SPIRE1: variants seen among roughly 807,000 people sequenced by gnomAD.
SPIRE1 encodes spire type actin nucleation factor 1.
A neutral mutation model predicts 94.1 loss-of-function variants in SPIRE1; 40 were observed. That is an observed-to-expected ratio of 0.43 (90% confidence interval 0.33 to 0.55). The LOEUF (loss-of-function observed/expected upper bound fraction) is 0.55, where lower values mean the gene tolerates loss of function less well. Ranked by LOEUF, SPIRE1 falls within the 20% of genes least tolerant of loss-of-function variation. SPIRE1 has a pLI of 0.06. For missense variants in SPIRE1, 838 were observed against 975.2 expected, an observed-to-expected ratio of 0.86 and a Z score of 1.87; for synonymous variants, 376 against 371.7, an observed-to-expected ratio of 1.01 and a Z score of -0.13.
intron 2 of SPIRE1, among the ~76,000 whole-genome samples, chr18:12,613,406 G>A (rs562727946): frequency 1.3e-5 from 2 of 152,226 alleles, no homozygotes; most frequent in East Asian, 3.9e-4. Flanking sequence ...GACAATTCAA[G>A]ACCAAAACTT....
chr18:12,467,603 G>A (rs935771700), intron 10 of SPIRE1, among the ~76,000 whole-genome samples: 3 of 152,220 alleles, frequency 2.0e-5, no homozygotes, highest in African/African-American at 7.2e-5. Context: ...GATTAAAACA[G>A]CAGAAACCAT....
At chr18:12,544,256 G>C (rs561792670) in intron 3 of SPIRE1, among the ~76,000 whole-genome samples, 1 of 150,622 alleles carries the variant, frequency 6.6e-6, no homozygotes, top group African/African-American at 2.4e-5. Flanking sequence ...CTGGAGTGCA[G>C]TGGTGTGCTC....
chr18:12,525,296 A>AAAAAAAATAAT (rs1555619713), intron 4 of SPIRE1, among the ~76,000 whole-genome samples: 1 of 120,174 alleles, frequency 8.3e-6, no homozygotes, highest in African/African-American at 3.3e-5. Flanking sequence ...AAAAAAAAAA[A>AAAAAAAATAAT]AATAATAATA....
At chr18:12,540,758 C>T (rs2034991356) in intron 3 of SPIRE1, among the ~76,000 whole-genome samples, 1 of 152,216 alleles carries the variant, frequency 6.6e-6, no homozygotes, top group South Asian at 2.1e-4. Flanking sequence ...TCCTCCTTAT[C>T]CACAGTTTCA....
In SPIRE1 at chr18:12,635,035, T is replaced by C. The variant is rs1393970744; in HGVS notation, c.372+27A>G. 4.4e-6 allele frequency: 6 copies of C among 1,374,734 alleles called. No individual in the cohort carries two copies. The South Asian group carries it at 5.0e-5, about 12-fold the overall frequency. 85.2% of individuals were successfully genotyped at this position (1,374,734 alleles called of 1,614,324 possible). Reference sequence around the variant, plus strand: ...AAACAGGACTGCAAAGCTGCTTTACTAAGAAATATTTGAGTATTTCACTTA... The same window carrying C: ...AAACAGGACTGCAAAGCTGCTTTACCAAGAAATATTTGAGTATTTCACTTA... On this transcript the variant is annotated intron_variant, in intron 2 of 16. Coordinates refer to ENST00000409402, the MANE Select transcript of SPIRE1 (RefSeq NM_001128626.2).
At chr18:12,483,142 A>G (rs368779240) in intron 9 of SPIRE1, among the ~76,000 whole-genome samples, 1 of 151,922 alleles carries the variant, frequency 6.6e-6, no homozygotes, top group African/African-American at 2.4e-5. Flanking sequence ...TGCGTAGGAG[A>G]CAGGGTTTTG....
chr18:12,489,222 C>T (rs919097168), intron 8 of SPIRE1, among the ~76,000 whole-genome samples: 3 of 152,146 alleles, frequency 2.0e-5, no homozygotes, highest in South Asian at 2.1e-4. Flanking sequence ...GAACTTATCT[C>T]GGAAAAGTTT....
intron 10 of SPIRE1, among the ~76,000 whole-genome samples, chr18:12,477,647 G>A (rs1207744069): frequency 6.6e-6 from 1 of 152,102 alleles, no homozygotes; most frequent in African/African-American, 2.4e-5. Flanking sequence ...TGAAACAGAG[G>A]GATGAGTGGG....
intron 1 of SPIRE1, among the ~76,000 whole-genome samples, chr18:12,636,656 A>G (rs867441381): frequency 4.6e-5 from 7 of 152,274 alleles, no homozygotes; most frequent in Admixed American, 2.0e-4. Context: ...TAAAAATTAT[A>G]TATGAGCAAT....
At chr18:12,534,922 T>TATAA (rs1490373725) in intron 4 of SPIRE1, among the ~76,000 whole-genome samples, 2 of 152,216 alleles carry the variant, frequency 1.3e-5, no homozygotes, top group African/African-American at 4.8e-5. Flanking sequence ...CCCTGACTAA[T>TATAA]ATATACCCAT....
At chr18:12,651,097 G>A (rs1166088516) in intron 1 of SPIRE1, among the ~76,000 whole-genome samples, 2 of 151,986 alleles carry the variant, frequency 1.3e-5, no homozygotes, top group Non-Finnish European at 2.9e-5. Context: ...AGAACTATTT[G>A]CCCTTACATC....
chr18:12,464,758 A>G, intron 11 of SPIRE1, 110 bp downstream of exon 11: 2 of 790,474 alleles, frequency 2.5e-6, no homozygotes, highest in Non-Finnish European at 2.1e-6. Flanking sequence ...TGCCTGAGTT[A>G]GTTCTTTCTA....
intron 7 of SPIRE1, among the ~76,000 whole-genome samples, chr18:12,495,043 C>T (rs1404895061): frequency 8.4e-6 from 1 of 119,292 alleles, no homozygotes; most frequent in African/African-American, 3.5e-5. Flanking sequence ...AAGTGAGACT[C>T]TGTCTCAAAA....
intron 2 of SPIRE1, among the ~76,000 whole-genome samples, chr18:12,598,018 ATT>A (rs1304715678): frequency 6.6e-6 from 1 of 152,146 alleles, no homozygotes; most frequent in Non-Finnish European, 1.5e-5. Context: ...CATACTTTGG[ATT>A]TTTATACAAG....
Position 12,453,063 on chromosome 18 carries a change from C to T in SPIRE1, c.1847+5G>A. ...TATCTTTTCATCAATTACAAAATAC[C>T]TTACCTCTTACAGAACTGACAGGTA... On this transcript the variant is annotated splice_donor_5th_base_variant and intron_variant, in intron 14 of 16. Transcript: ENST00000409402. The T allele has an allele frequency of 6.4e-7, 1 of 1,558,782 alleles. No individual in the cohort carries two copies. Among genetic ancestry groups the T allele is most frequent in the African/African-American group, 1.4e-5 (1 of 72,364 alleles).
At chr18:12,514,500 C>T (rs913871725) in intron 4 of SPIRE1, among the ~76,000 whole-genome samples, 2 of 151,932 alleles carry the variant, frequency 1.3e-5, no homozygotes, top group African/African-American at 4.8e-5. Flanking sequence ...CACAAATCTC[C>T]AGAATAGCCT....
intron 2 of SPIRE1, among the ~76,000 whole-genome samples, chr18:12,593,975 G>A (rs1382578393): frequency 6.6e-6 from 1 of 151,470 alleles, no homozygotes; most frequent in Non-Finnish European, 1.5e-5. Context: ...ATAAGAAGAA[G>A]AAAGCATGCA....
intron 10 of SPIRE1, among the ~76,000 whole-genome samples, chr18:12,469,212 T>C (rs897972181): frequency 6.6e-6 from 1 of 152,100 alleles, no homozygotes; most frequent in African/African-American, 2.4e-5. Context: ...TATTTATTAT[T>C]ATTATTTTGA....
In SPIRE1 at chr18:12,493,101, G is replaced by A. The variant is rs2033300727; in HGVS notation, c.1160C>T (p.Ser387Leu). 6.2e-7 allele frequency: 1 copy of A among 1,613,520 alleles called. No homozygotes were observed. Among genetic ancestry groups the A allele is most frequent in the Non-Finnish European group, 8.5e-7 (1 of 1,179,926 alleles). ...IKAERKLRPV[S>L]PEEIRRSRLA... ...TCTGCTACGTCTAATCTCCTCTGGTGATACAGGCCGCAGCTTTCTTTCTGC... is the reference window on the plus strand; with the variant it reads ...TCTGCTACGTCTAATCTCCTCTGGTAATACAGGCCGCAGCTTTCTTTCTGC... The change falls in exon 8 of 17, where the codon TCA (serine) becomes TTA (leucine). Residue 387 changes from serine to leucine, a missense_variant. Physicochemically the swap from Ser to Leu is moderately radical, Grantham distance 145 (BLOSUM62 -2). Coordinates refer to ENST00000409402, the MANE Select transcript of SPIRE1 (RefSeq NM_001128626.2).
Sources: gnomAD v4.1 joint callset for allele counts (sites outside exome capture counted in the v4.1 genomes callset) on GRCh38, gnomAD v4.1.1 for gene constraint, MANE v1.5 for transcripts, NCBI Gene and HGNC (gene_info 2026-07-23, HGNC 2026-07-21) for gene names.